The following ARHGAP26 variants were observed in gnomAD, a reference collection of about 807,000 sequenced individuals.
The protein encoded by ARHGAP26 is rho GTPase-activating protein 26.
A neutral mutation model predicts 104.8 loss-of-function variants in ARHGAP26; 38 were observed. The ratio of observed to expected loss-of-function variants is 0.36; its 90% CI spans 0.28 to 0.48. The LOEUF is 0.48. Among genes scored for constraint, ARHGAP26 ranks in the 20% least tolerant of loss-of-function variants. The probability of loss-of-function intolerance (pLI) is 0.99; values close to 1 mark genes in which losing one functional copy is unlikely to be tolerated. For synonymous variants in ARHGAP26, 341 were observed against 340.0 expected, an observed-to-expected ratio of 1.00 and a Z score of -0.03; for missense variants, 704 against 947.9, an observed-to-expected ratio of 0.74 and a Z score of 3.38.
intron 6 of ARHGAP26, 120 bp downstream of exon 6, chr5:142,894,468 C>T: frequency 2.3e-6 from 2 of 879,710 alleles, no homozygotes; most frequent in African/African-American, 1.7e-5. Context: ...TGACACTGTC[C>T]CTTCTGTAAG....
At chr5:142,811,071 G>C (rs1763978199) in intron 1 of ARHGAP26, among the ~76,000 whole-genome samples, 1 of 152,200 alleles carries the variant, frequency 6.6e-6, no homozygotes, top group Non-Finnish European at 1.5e-5. Context: ...GCCCCAGGGA[G>C]TGTTCCAGGA....
At chr5:143,026,721 A>G (rs549597309) in intron 12 of ARHGAP26, among the ~76,000 whole-genome samples, 1 of 146,558 alleles carries the variant, frequency 6.8e-6, no homozygotes, top group Non-Finnish European at 1.5e-5. Flanking sequence ...GAGAGTTGTG[A>G]TCAGGTGCAT....
intron 17 of ARHGAP26, among the ~76,000 whole-genome samples, chr5:143,070,084 T>C (rs1281146683): frequency 6.6e-6 from 1 of 152,162 alleles, no homozygotes; most frequent in Non-Finnish European, 1.5e-5. Flanking sequence ...TTAAACCTGT[T>C]TTTTTTAAGT....
chr5:143,112,910 A>G (rs1051687077), intron 17 of ARHGAP26, among the ~76,000 whole-genome samples: 1 of 152,250 alleles, frequency 6.6e-6, no homozygotes, highest in African/African-American at 2.4e-5. Flanking sequence ...GAATAATACT[A>G]CAATAAAAAT....
intron 17 of ARHGAP26, among the ~76,000 whole-genome samples, chr5:143,059,958 C>T (rs1237927395): frequency 6.6e-6 from 1 of 152,170 alleles, no homozygotes; most frequent in Non-Finnish European, 1.5e-5. Flanking sequence ...TATGAATGAG[C>T]AGTGTTGAAT....
At chr5:143,158,049 A>G (rs1306657153) in intron 20 of ARHGAP26, among the ~76,000 whole-genome samples, 2 of 152,242 alleles carry the variant, frequency 1.3e-5, no homozygotes, top group African/African-American at 4.8e-5. Flanking sequence ...TCAGAGTATC[A>G]ATCAATAAAA....
Position 143,181,206 on chromosome 5 carries a change from A to G in ARHGAP26, c.1989-25992A>G, listed in dbSNP as rs189376390. Among the ~76,000 whole-genome samples the G allele has an allele frequency of 2.0e-4, 30 of 152,354 alleles. 1 individual carries two copies. In the East Asian group the frequency reaches 5.2e-3, roughly 26 times the overall value. On this transcript the variant is annotated intron_variant, in intron 20 of 22. Transcript: ENST00000645722. Reference sequence around the variant, plus strand: ...AAGCTTGAACACAGCACTCTCCTGCATAAGAGTCTTTGATGGCCCCATGGA... The same window carrying G: ...AAGCTTGAACACAGCACTCTCCTGCGTAAGAGTCTTTGATGGCCCCATGGA...
At chr5:142,809,019 G>A (rs1399464581) in intron 1 of ARHGAP26, among the ~76,000 whole-genome samples, 1 of 152,168 alleles carries the variant, frequency 6.6e-6, no homozygotes, top group Non-Finnish European at 1.5e-5. Flanking sequence ...TGTATGGCTG[G>A]CTGTTCTGAT....
chr5:142,853,454 G>A (rs766265097), intron 1 of ARHGAP26, among the ~76,000 whole-genome samples: 6 of 152,168 alleles, frequency 3.9e-5, no homozygotes, highest in Admixed American at 2.0e-4. Flanking sequence ...GCCTCCCAAC[G>A]TGCTAGGATT....
intron 1 of ARHGAP26, among the ~76,000 whole-genome samples, chr5:142,786,001 A>G (rs1377947406): frequency 6.6e-6 from 1 of 150,752 alleles, no homozygotes; most frequent in Non-Finnish European, 1.5e-5. Context: ...TTAAATAGAC[A>G]GAGTCTTGTC....
At chr5:143,105,107 G>C (rs1390535661) in intron 17 of ARHGAP26, among the ~76,000 whole-genome samples, 1 of 152,166 alleles carries the variant, frequency 6.6e-6, no homozygotes, top group Non-Finnish European at 1.5e-5. Context: ...TGGGTGTGGT[G>C]GCTCATGCCT....
chr5:142,875,655 A>G (rs1249474840), intron 3 of ARHGAP26, among the ~76,000 whole-genome samples: 2 of 152,194 alleles, frequency 1.3e-5, no homozygotes, highest in South Asian at 2.1e-4. Context: ...GAAGGTAACT[A>G]TAAAAAGCTC....
intron 22 of ARHGAP26, among the ~76,000 whole-genome samples, chr5:143,220,522 G>A (rs1811003075): frequency 6.6e-6 from 1 of 152,236 alleles, no homozygotes; most frequent in Non-Finnish European, 1.5e-5. Context: ...GATCTTGGAA[G>A]CTTTGGTTGG....
chr5:143,127,744 T>A (rs1796883814), intron 18 of ARHGAP26, among the ~76,000 whole-genome samples: 1 of 152,244 alleles, frequency 6.6e-6, no homozygotes, highest in Non-Finnish European at 1.5e-5. Context: ...ATTGGACTAG[T>A]TCTGGACTTT....
rs1022542715 is a variant in ARHGAP26 at position 143,183,080 on chromosome 5, A to G, written c.1989-24118A>G. Among the ~76,000 whole-genome samples the G allele has an allele frequency of 6.6e-5, 10 of 151,560 alleles. 1 individual carries two copies. Among genetic ancestry groups the G allele is most frequent in the Admixed American group, 2.6e-4 (4 of 15,212 alleles). The stretch of plus-strand genomic sequence containing the variant: ...CATGCAAATGAAAAGTGGCAAAAAA[A>G]AAAAAAAAAAAGAAAAAAAAACCTC... On this transcript the variant is annotated intron_variant, in intron 20 of 22. Coordinates refer to ENST00000645722, the MANE Select transcript of ARHGAP26 (RefSeq NM_001135608.3).
chr5:142,892,703 AATC>A (rs1172353641), intron 5 of ARHGAP26, among the ~76,000 whole-genome samples: 3 of 152,162 alleles, frequency 2.0e-5, no homozygotes, highest in Non-Finnish European at 4.4e-5. Flanking sequence ...GATATGTAAT[AATC>A]ATACATATTT....
At chr5:143,162,340 A>G (rs546337236) in intron 20 of ARHGAP26, among the ~76,000 whole-genome samples, 7 of 151,022 alleles carry the variant, frequency 4.6e-5, no homozygotes, top group Non-Finnish European at 1.0e-4. Flanking sequence ...TTTTCCCTTG[A>G]TCCTTTGCGT....
At chr5:142,912,734 G>A (rs1222495218) in intron 9 of ARHGAP26, among the ~76,000 whole-genome samples, 4 of 152,150 alleles carry the variant, frequency 2.6e-5, no homozygotes, top group Admixed American at 6.6e-5. Flanking sequence ...TCAATGCGCA[G>A]TTTCAGCTAT....
intron 17 of ARHGAP26, among the ~76,000 whole-genome samples, chr5:143,064,015 C>T (rs1258323480): frequency 6.6e-6 from 1 of 152,190 alleles, no homozygotes; most frequent in Non-Finnish European, 1.5e-5. Context: ...GCCAGAGCAG[C>T]CCACACATGT....
Sources: gnomAD v4.1 joint callset for allele counts (sites outside exome capture counted in the v4.1 genomes callset) on GRCh38, gnomAD v4.1.1 for gene constraint, MANE v1.5 for transcripts, NCBI Gene and HGNC (gene_info 2026-07-23, HGNC 2026-07-21) for gene names.